Variants in DOP1A observed in about 807,000 individuals in gnomAD.
The protein encoded by DOP1A is DOP1 leucine zipper like protein A.
DOP1A carries 90 observed loss-of-function variants against 267.6 expected under a neutral mutation model. That is an observed-to-expected ratio of 0.34 (90% CI 0.28 to 0.40). The LOEUF (loss-of-function observed/expected upper bound fraction) is 0.40, where lower values mean the gene tolerates loss of function less well. Among genes scored for constraint, DOP1A ranks in the 10% least tolerant of loss-of-function variants. DOP1A has a pLI of 1.00. For missense variants in DOP1A, 2,437 were observed against 2,900.4 expected, an observed-to-expected ratio of 0.84 and a Z score of 3.67; for synonymous variants, 932 against 999.1, an observed-to-expected ratio of 0.93 and a Z score of 1.27.
chr6:83,152,800 T>C (rs1227432698), intron 30 of DOP1A, among the ~76,000 whole-genome samples: 1 of 151,996 alleles, frequency 6.6e-6, no homozygotes, highest in Non-Finnish European at 1.5e-5. Context: ...GTATTTTTAG[T>C]AGAGACGGGG....
intron 1 of DOP1A, among the ~76,000 whole-genome samples, chr6:83,068,540 C>CTTCATT (rs1281055032): frequency 6.6e-6 from 1 of 152,132 alleles, no homozygotes; most frequent in Non-Finnish European, 1.5e-5. Context: ...GGGAAAATGA[C>CTTCATT]TTCGACTCCA....
intron 1 of DOP1A, among the ~76,000 whole-genome samples, chr6:83,096,502 C>T (rs552057911): frequency 2.7e-5 from 4 of 150,218 alleles, no homozygotes; most frequent in South Asian, 2.1e-4. Context: ...AAATGATCTC[C>T]GAATCATTTA....
At chr6:83,145,382 A>C in intron 24 of DOP1A, 142 bp from the exon 25 acceptor site, 1 of 684,536 alleles carries the variant, frequency 1.5e-6, no homozygotes, top group Non-Finnish European at 2.2e-6. Context: ...CAGGAGTTTG[A>C]GACCAGGCTG....
intron 1 of DOP1A, among the ~76,000 whole-genome samples, chr6:83,086,393 C>T (rs1769246281): frequency 6.6e-6 from 1 of 152,098 alleles, no homozygotes; most frequent in Non-Finnish European, 1.5e-5. Context: ...ATTGTCTTCA[C>T]TGTGAGTGGG....
chr6:83,104,511 A>G (rs1350225403), intron 4 of DOP1A, among the ~76,000 whole-genome samples: 3 of 152,042 alleles, frequency 2.0e-5, no homozygotes, highest in Admixed American at 2.0e-4. Context: ...TTTGTTTTCT[A>G]GTATATGTTA....
intron 1 of DOP1A, among the ~76,000 whole-genome samples, chr6:83,082,935 G>A (rs1768395516): frequency 2.0e-5 from 3 of 151,724 alleles, no homozygotes; most frequent in Admixed American, 6.6e-5. Context: ...AGCCTCCCAA[G>A]TAGCTGGGAT....
Position 83,145,600 on chromosome 6 carries a change from CTG to C in DOP1A, c.5620_5621del (p.Val1874TyrfsTer46). On this transcript the variant is annotated frameshift_variant, in exon 25 of 39. Coordinates refer to ENST00000349129, the MANE Select transcript of DOP1A (RefSeq NM_015018.4). LOFTEE classifies it high-confidence loss of function. ...TCAATCAGTGTCATGAGAGCAGAAA[CTG>C]TTATCCAGACTGTAAAAGAAGTTTT... 1.9e-6 allele frequency: 3 copies of C among 1,613,366 alleles called. No homozygotes were observed. Among genetic ancestry groups the C allele is most frequent in the Non-Finnish European group, 2.5e-6 (3 of 1,179,624 alleles).
chr6:83,162,164 T>C (rs554531901), intron 37 of DOP1A, among the ~76,000 whole-genome samples: 3 of 152,298 alleles, frequency 2.0e-5, no homozygotes, highest in Admixed American at 2.0e-4. Flanking sequence ...GCTGACAACA[T>C]TGATGAATCC....
At chr6:83,149,019 G>GAA (rs551255497) in intron 27 of DOP1A, among the ~76,000 whole-genome samples, 156 bp downstream of exon 27, 1 of 147,612 alleles carries the variant, frequency 6.8e-6, no homozygotes, top group Non-Finnish European at 1.5e-5. Context: ...GCCTGTTTAA[G>GAA]AAAAAAAAAA....
In DOP1A at chr6:83,137,479, A is replaced by G. The variant is rs1010935607; in HGVS notation, c.3437A>G (p.Asp1146Gly). The change falls in exon 21 of 39, where the codon GAT becomes GGT. Residue 1146 changes from aspartate (D) to glycine (G), a missense_variant. By Grantham distance (94) the Asp-to-Gly change is moderately conservative (BLOSUM62 -1). Around this residue, in one of 9 missense-constraint regions of DOP1A, gnomAD observed 878 missense variants for 992.9 expected, o/e 0.88. Coordinates refer to ENST00000349129, the MANE Select transcript of DOP1A (RefSeq NM_015018.4). ...CAAATGCCCAAGGAAAGCTCCCCAG[A>G]TGATGATGTTCAACAGGTAGTATTT... ...DSQMPKESSPDDDVQQVVFDL... is the reference protein window; with the variant it reads ...DSQMPKESSPGDDVQQVVFDL... The G allele has an allele frequency of 1.9e-6, 3 of 1,613,806 alleles. No individual in the cohort carries two copies. The highest frequency in any genetic ancestry group is 3.3e-5 in the Admixed American group (2 of 59,952).
chr6:83,087,837 A>G (rs1177548930), intron 1 of DOP1A, among the ~76,000 whole-genome samples: 3 of 152,224 alleles, frequency 2.0e-5, no homozygotes, highest in Non-Finnish European at 2.9e-5. Context: ...CTTTGGGGAA[A>G]ACCATTGATG....
intron 1 of DOP1A, among the ~76,000 whole-genome samples, chr6:83,083,011 TTGGCCAGGC>T (rs1234567503): frequency 1.3e-5 from 2 of 152,120 alleles, no homozygotes; most frequent in African/African-American, 4.8e-5. Context: ...TTTCACCATG[TTGGCCAGGC>T]TGGTCTCAAA....
intron 1 of DOP1A, among the ~76,000 whole-genome samples, chr6:83,093,080 T>G (rs1221820739): frequency 6.6e-6 from 1 of 152,298 alleles, no homozygotes; most frequent in East Asian, 1.9e-4. Context: ...TTTAAGTCCC[T>G]TAGCATCAAA....
chr6:83,103,537 C>T (rs1049708060), intron 4 of DOP1A, among the ~76,000 whole-genome samples: 1 of 152,164 alleles, frequency 6.6e-6, no homozygotes, highest in Non-Finnish European at 1.5e-5. Context: ...GGAAAATTTT[C>T]AACCACTATC....
At chr6:83,098,619 A>G (rs1771938815) in intron 3 of DOP1A, among the ~76,000 whole-genome samples, 1 of 152,200 alleles carries the variant, frequency 6.6e-6, no homozygotes, top group East Asian at 1.9e-4. Context: ...AGGACATTAC[A>G]AAGGATACAA....
At chr6:83,068,062 G>A (rs976712128) in intron 1 of DOP1A, among the ~76,000 whole-genome samples, 5 of 152,194 alleles carry the variant, frequency 3.3e-5, no homozygotes, top group Admixed American at 3.3e-4. Flanking sequence ...GGAGGCCGGA[G>A]GCGGGGCCGG....
intron 24 of DOP1A, among the ~76,000 whole-genome samples, chr6:83,142,668 A>T (rs1779848456): frequency 6.6e-6 from 1 of 152,204 alleles, no homozygotes; most frequent in Non-Finnish European, 1.5e-5. Context: ...CAAAGCAAGG[A>T]TATGGAGAAA....
rs148630272 is a variant in DOP1A at position 83,142,185 on chromosome 6, G to A, written c.5541+139G>A. ...GTCTGTCGACAGCTTTAGATAAATT[G>A]TTGCCTTAATTTCTTTAAGTATTGA... On this transcript the variant is annotated intron_variant, in intron 24 of 38. Transcript: ENST00000349129. 1.4e-4 allele frequency: 156 copies of A among 1,110,728 alleles called. 2 individuals carry two copies. In the East Asian group the frequency reaches 4.0e-3, roughly 29 times the overall value. 68.8% of individuals were successfully genotyped at this position (1,110,728 alleles called of 1,614,324 possible).
chr6:83,137,478 G>C lies in DOP1A; in HGVS notation c.3436G>C (p.Asp1146His), dbSNP rs1779032231. The change falls in exon 21 of 39, where the codon GAT (aspartate) becomes CAT (histidine). Residue 1146 changes from aspartate (D) to histidine (H), a missense_variant. By Grantham distance (81) the Asp-to-His change is moderately conservative (BLOSUM62 -1). Coordinates refer to ENST00000349129, the MANE Select transcript of DOP1A (RefSeq NM_015018.4). The stretch of plus-strand genomic sequence containing the variant: ...TCAAATGCCCAAGGAAAGCTCCCCA[G>C]ATGATGATGTTCAACAGGTAGTATT... ...DSQMPKESSP[D>H]DDVQQVVFDL... The C allele has an allele frequency of 6.2e-7, 1 of 1,613,782 alleles. No homozygotes were observed. Among genetic ancestry groups the C allele is most frequent in the East Asian group, 2.2e-5 (1 of 44,852 alleles).
Sources: allele counts gnomAD v4.1 joint callset (sites outside exome capture counted in the v4.1 genomes callset), GRCh38; gene constraint gnomAD v4.1.1; regional missense constraint gnomAD v4.1.1; transcripts MANE v1.5; gene names NCBI Gene and HGNC (gene_info 2026-07-23, HGNC 2026-07-21).